Variants in CEP192 observed in about 807,000 individuals in gnomAD.
CEP192 encodes the protein centrosomal protein 192, also known as centrosomal protein of 192 kDa.
A neutral mutation model predicts 271.8 loss-of-function variants in CEP192; 151 were observed. That is an observed-to-expected ratio of 0.56 (90% CI 0.49 to 0.64). CEP192 has a LOEUF of 0.64. CEP192 is among the 30% of genes least tolerant of loss of function. The pLI is 0.00. For missense variants in CEP192, 2,910 were observed against 3,020.5 expected (o/e 0.96, Z 0.86); for synonymous variants, 995 against 1,076.5 (o/e 0.92, Z 1.48).
At chr18:13,093,193 A>G (rs780149259) in intron 34 of CEP192, among the ~76,000 whole-genome samples, 14 of 152,208 alleles carry the variant, frequency 9.2e-5, no homozygotes, top group Non-Finnish European at 1.9e-4. Context: ...TCTCCTGCAT[A>G]GCCATGGAAA....
chr18:13,123,248 T>C (rs1246344225), intron 44 of CEP192, among the ~76,000 whole-genome samples: 3 of 152,214 alleles, frequency 2.0e-5, no homozygotes, highest in Non-Finnish European at 4.4e-5. Flanking sequence ...TGGGCCAGGT[T>C]AGATTTTTTT....
At chr18:12,997,927 G>A (rs763031489) in intron 1 of CEP192, among the ~76,000 whole-genome samples, 3 of 152,034 alleles carry the variant, frequency 2.0e-5, no homozygotes, top group Non-Finnish European at 4.4e-5. Flanking sequence ...GTTTTACCAC[G>A]TTGGCCAGGC....
chr18:13,094,974 C>T (rs1240299144), intron 34 of CEP192, among the ~76,000 whole-genome samples: 1 of 152,230 alleles, frequency 6.6e-6, no homozygotes, highest in African/African-American at 2.4e-5. Flanking sequence ...GCTGCTGACG[C>T]AGACTGGCTG....
intron 30 of CEP192, among the ~76,000 whole-genome samples, chr18:13,074,446 G>T (rs1462406747): frequency 6.6e-6 from 1 of 152,148 alleles, no homozygotes; most frequent in Non-Finnish European, 1.5e-5. Flanking sequence ...GGACTAAATG[G>T]GCTGTATTTT....
At chr18:13,034,655 A>AAT (rs1256949499) in intron 11 of CEP192, among the ~76,000 whole-genome samples, 2 of 151,626 alleles carry the variant, frequency 1.3e-5, no homozygotes, top group East Asian at 1.9e-4. Flanking sequence ...AAAAAAAAAA[A>AAT]AATACAAAAA....
intron 36 of CEP192, 80 bp from the exon 37 acceptor site, chr18:13,099,396 T>G (rs1242536634): frequency 4.1e-5 from 29 of 700,228 alleles, no homozygotes; most frequent in South Asian, 1.9e-5. Context: ...CATTGGCTGG[T>G]AGACAGTATT....
At chr18:13,028,453 T>A (rs1230561421) in intron 9 of CEP192, among the ~76,000 whole-genome samples, 1 of 152,232 alleles carries the variant, frequency 6.6e-6, no homozygotes, top group African/African-American at 2.4e-5. Context: ...ATCTGTATTT[T>A]TTCCTAGTAC....
At chr18:13,079,856 G>A (rs993287679) in intron 30 of CEP192, among the ~76,000 whole-genome samples, 39 of 152,230 alleles carry the variant, frequency 2.6e-4, no homozygotes, top group African/African-American at 8.2e-4. Flanking sequence ...TCTACATATG[G>A]CTAGCCAGTT....
At chr18:13,046,073 C>G (rs553361964) in intron 15 of CEP192, among the ~76,000 whole-genome samples, 6 of 152,010 alleles carry the variant, frequency 3.9e-5, no homozygotes, top group Non-Finnish European at 1.5e-5. Context: ...TTTAACGGGC[C>G]CATAGTTCTG....
rs750825339 is a variant in CEP192, at chr18:13,067,972, C to A, written c.4614+16C>A. On this transcript the variant is annotated intron_variant, in intron 22 of 44. Coordinates refer to ENST00000506447, the MANE Select transcript of CEP192 (RefSeq NM_032142.4). ...TATTAATGCTGTAAGTATGAACATACAGTAAGAAACCATTTACAGAATGCA... is the reference window on the plus strand; with the variant it reads ...TATTAATGCTGTAAGTATGAACATAAAGTAAGAAACCATTTACAGAATGCA... The A allele has an allele frequency of 2.5e-6, 4 of 1,602,498 alleles. No homozygotes were observed. Among genetic ancestry groups the A allele is most frequent in the Non-Finnish European group, 8.5e-7 (1 of 1,170,918 alleles).
At chr18:13,108,182 C>G (rs1243059223) in intron 40 of CEP192, among the ~76,000 whole-genome samples, 1 of 152,124 alleles carries the variant, frequency 6.6e-6, no homozygotes, top group African/African-American at 2.4e-5. Flanking sequence ...CATAAGACCT[C>G]AAACTATAAG....
intron 21 of CEP192, among the ~76,000 whole-genome samples, chr18:13,062,474 C>T (rs962428160): frequency 2.0e-5 from 3 of 151,226 alleles, no homozygotes; most frequent in East Asian, 3.9e-4. Flanking sequence ...ACTTACATTC[C>T]TAGAAGAAAT....
At chr18:13,011,935 A>T (rs553942271) in intron 4 of CEP192, among the ~76,000 whole-genome samples, 4 of 152,364 alleles carry the variant, frequency 2.6e-5, no homozygotes, top group Admixed American at 2.0e-4. Context: ...AAGAAAATGT[A>T]GTATGGCCAC....
At chr18:13,047,591 A>C (rs545137797) in intron 15 of CEP192, among the ~76,000 whole-genome samples, 1 of 152,300 alleles carries the variant, frequency 6.6e-6, no homozygotes, top group Non-Finnish European at 1.5e-5. Flanking sequence ...TGGTGCTTTC[A>C]AAGATAAGTT....
chr18:13,030,636 A>G (rs1229746526), intron 11 of CEP192, 28 bp downstream of exon 11: 45 of 1,542,670 alleles, frequency 2.9e-5, no homozygotes, highest in Non-Finnish European at 3.9e-5. Context: ...CATTTATTAT[A>G]ACATTTTCAC....
rs1422531149 is a variant in CEP192, at chr18:13,078,267, C to CT, written c.5616+5088dup. Among the ~76,000 whole-genome samples, 6 of 152,066 alleles carry CT rather than the reference C, an allele frequency of 3.9e-5. No individual in the cohort carries two copies. The East Asian group carries it at 5.8e-4, about 15-fold the overall frequency. Reference sequence around the variant, plus strand: ...TCCCTGCAAAGGACATGAACTTATCCTTTTTTATGGCTGTATAGTATTCTA... The same window carrying CT: ...TCCCTGCAAAGGACATGAACTTATCCTTTTTTTATGGCTGTATAGTATTCTA... On this transcript the variant is annotated intron_variant, in intron 30 of 44. Transcript: ENST00000506447.
intron 41 of CEP192, 91 bp from the exon 42 acceptor site, chr18:13,114,039 T>C: frequency 6.9e-7 from 1 of 1,441,212 alleles, no homozygotes; most frequent in Admixed American, 2.3e-5. Flanking sequence ...TAAAAATTTT[T>C]AAAGGAAATG....
At chr18:13,075,868 T>A (rs1278954255) in intron 30 of CEP192, among the ~76,000 whole-genome samples, 2 of 152,206 alleles carry the variant, frequency 1.3e-5, no homozygotes, top group Non-Finnish European at 2.9e-5. Flanking sequence ...TCAAATTCAG[T>A]CTGGGTGAAT....
chr18:13,067,957 G>A lies in CEP192; in HGVS notation c.4614+1G>A. On this transcript the variant is annotated splice_donor_variant, in intron 22 of 44. Coordinates refer to ENST00000506447, the MANE Select transcript of CEP192 (RefSeq NM_032142.4). LOFTEE classifies it high-confidence loss of function. ...GCCAATTAGACTGATTATTAATGCT[G>A]TAAGTATGAACATACAGTAAGAAAC... 1 of 1,607,086 alleles carries A rather than the reference G, an allele frequency of 6.2e-7. No homozygotes were observed. Among genetic ancestry groups the A allele is most frequent in the East Asian group, 2.2e-5 (1 of 44,690 alleles).
Sources: allele counts gnomAD v4.1 joint callset (sites outside exome capture counted in the v4.1 genomes callset), GRCh38; gene constraint gnomAD v4.1.1; transcripts MANE v1.5; gene names NCBI Gene and HGNC (gene_info 2026-07-23, HGNC 2026-07-21).